Variants in EXOC4 observed in about 807,000 individuals in gnomAD.
The protein encoded by EXOC4 is SEC8-like 1.
A neutral mutation model predicts 107.2 loss-of-function variants in EXOC4; 71 were observed. That is an observed-to-expected ratio of 0.66 (90% CI 0.55 to 0.81). EXOC4 has a LOEUF of 0.81. Ranked by LOEUF, EXOC4 falls within the 30% of genes least tolerant of loss-of-function variation. The probability of loss-of-function intolerance (pLI) is 0.00; values close to 1 mark genes in which losing one functional copy is unlikely to be tolerated. For missense variants in EXOC4, 1,108 were observed against 1,189.6 expected, an observed-to-expected ratio of 0.93 and a Z score of 1.01; for synonymous variants, 456 against 441.2, an observed-to-expected ratio of 1.03 and a Z score of -0.42.
At chr7:133,353,415 G>A (rs1276206649) in intron 5 of EXOC4, among the ~76,000 whole-genome samples, 1 of 152,030 alleles carries the variant, frequency 6.6e-6, no homozygotes, top group East Asian at 1.9e-4. Flanking sequence ...CAGAATTCTT[G>A]GTTGACAGTT....
At chr7:133,654,469 A>G (rs1209662781) in intron 10 of EXOC4, among the ~76,000 whole-genome samples, 1 of 152,156 alleles carries the variant, frequency 6.6e-6, no homozygotes, top group Non-Finnish European at 1.5e-5. Flanking sequence ...GTTAAATGAT[A>G]TTGGTACAGG....
intron 10 of EXOC4, among the ~76,000 whole-genome samples, chr7:133,787,811 C>T (rs2151180714): frequency 6.6e-6 from 1 of 151,084 alleles, no homozygotes; most frequent in East Asian, 2.0e-4. Flanking sequence ...CCTCCGTATA[C>T]TCTCACACTG....
chr7:133,703,929 C>T lies in EXOC4; in HGVS notation c.1514+73788C>T, dbSNP rs552463810. ...GCAGATGCTTTCTCACTGTATAAAT[C>T]TTTAAAACAAATTGAATTCCATGTT... On this transcript the variant is annotated intron_variant, in intron 10 of 17. Coordinates refer to ENST00000253861, the MANE Select transcript of EXOC4 (RefSeq NM_021807.4). Among the ~76,000 whole-genome samples, 3 of 152,322 alleles carry T rather than the reference C, an allele frequency of 2.0e-5. No individual in the cohort carries two copies. In the South Asian group the frequency reaches 6.2e-4, roughly 32 times the overall value.
chr7:133,266,569 A>T (rs1584761963), intron 1 of EXOC4, among the ~76,000 whole-genome samples: 3 of 152,334 alleles, frequency 2.0e-5, no homozygotes, highest in East Asian at 1.9e-4. Context: ...GGCTTATATT[A>T]AAATTAATAA....
At chr7:133,713,037 GTGA>G (rs1211213027) in intron 10 of EXOC4, among the ~76,000 whole-genome samples, 2 of 152,190 alleles carry the variant, frequency 1.3e-5, no homozygotes, top group Non-Finnish European at 2.9e-5. Flanking sequence ...GAGAGAGGTG[GTGA>G]TAGCAAAATA....
the EXOC4 span, among the ~76,000 whole-genome samples, chr7:134,094,158 A>T: frequency 2.6e-5 from 4 of 152,202 alleles, no homozygotes; most frequent in African/African-American, 9.6e-5. Context: ...AGGATGAACA[A>T]GATTAATAAT....
intron 7 of EXOC4, among the ~76,000 whole-genome samples, chr7:133,392,632 T>C (rs138546085): frequency 3.8e-4 from 58 of 152,314 alleles, no homozygotes; most frequent in African/African-American, 1.1e-3. Flanking sequence ...AGACTTTTAC[T>C]GTGTCCTGTA....
At chr7:133,564,148 G>A (rs1039388758) in intron 9 of EXOC4, among the ~76,000 whole-genome samples, 2 of 152,158 alleles carry the variant, frequency 1.3e-5, no homozygotes, top group Admixed American at 6.5e-5. Flanking sequence ...TAAAGAAAAA[G>A]AGATTTAATT....
At chr7:133,538,899 G>GGGAGGGAA (rs1800328686) in intron 9 of EXOC4, among the ~76,000 whole-genome samples, 1 of 149,322 alleles carries the variant, frequency 6.7e-6, no homozygotes, top group African/African-American at 2.5e-5. Context: ...GAGGGAGGGA[G>GGGAGGGAA]GGAAGGAAGG....
chr7:133,581,524 C>T (rs1272016027), intron 9 of EXOC4, among the ~76,000 whole-genome samples: 3 of 151,448 alleles, frequency 2.0e-5, no homozygotes, highest in Non-Finnish European at 2.9e-5. Context: ...TTTGGGAGGC[C>T]GAGGCGGGCG....
chr7:133,467,184 T>G (rs977361978), intron 7 of EXOC4, among the ~76,000 whole-genome samples: 1 of 151,144 alleles, frequency 6.6e-6, no homozygotes, highest in East Asian at 1.9e-4. Context: ...ATTTTTAAAA[T>G]CCCTCAAATG....
At chr7:134,066,164 G>T (rs186550862), downstream of EXOC4, 2 of 152,414 alleles carry the variant, frequency 1.3e-5, no homozygotes, top group African/African-American at 4.8e-5. Flanking sequence ...AAGAAGGGGG[G>T]ATGAGAGGAG....
intron 9 of EXOC4, among the ~76,000 whole-genome samples, chr7:133,619,019 A>G (rs1435616342): frequency 2.6e-5 from 4 of 152,076 alleles, no homozygotes; most frequent in African/African-American, 7.2e-5. Flanking sequence ...ATTGCTTCCT[A>G]GAGTGTTTGG....
chr7:133,813,801 G>A (rs1038473807), intron 10 of EXOC4, among the ~76,000 whole-genome samples: 14 of 152,040 alleles, frequency 9.2e-5, no homozygotes, highest in African/African-American at 3.4e-4. Context: ...TTGAAGGAAA[G>A]CTACTTTTTT....
chr7:133,604,130 C>G (rs1737659417), intron 9 of EXOC4, among the ~76,000 whole-genome samples: 1 of 152,138 alleles, frequency 6.6e-6, no homozygotes, highest in Admixed American at 6.6e-5. Context: ...TCTTGTCCCA[C>G]TGGAAGATCT....
chr7:134,098,183 T>A, the EXOC4 span, among the ~76,000 whole-genome samples: 1 of 152,174 alleles, frequency 6.6e-6, no homozygotes, highest in Non-Finnish European at 1.5e-5. Context: ...GGGTGATCAG[T>A]CTTCTGCTGG....
intron 11 of EXOC4, among the ~76,000 whole-genome samples, chr7:133,825,838 A>G (rs1202369221): frequency 1.3e-5 from 2 of 152,032 alleles, no homozygotes; most frequent in African/African-American, 4.8e-5. Context: ...GAACTGATCA[A>G]TTGATTTTTT....
chr7:133,870,466 G>A (rs1034536611), intron 11 of EXOC4, among the ~76,000 whole-genome samples: 1 of 152,140 alleles, frequency 6.6e-6, no homozygotes, highest in Non-Finnish European at 1.5e-5. Flanking sequence ...AGAGCTGTCT[G>A]TGCAAATTTT....
At chr7:133,454,678 A>C (rs1302705904) in intron 7 of EXOC4, among the ~76,000 whole-genome samples, 1 of 152,216 alleles carries the variant, frequency 6.6e-6, no homozygotes, top group Non-Finnish European at 1.5e-5. Flanking sequence ...CTTGCTAATA[A>C]TAGAACTTAT....
Sources: allele counts gnomAD v4.1 joint callset (sites outside exome capture counted in the v4.1 genomes callset), GRCh38; gene constraint gnomAD v4.1.1; transcripts MANE v1.5; gene names NCBI Gene and HGNC (gene_info 2026-07-23, HGNC 2026-07-21).